The following PACRG variants were observed in gnomAD, a reference collection of about 807,000 sequenced individuals.
The protein encoded by PACRG is parkin coregulated.
A neutral mutation model predicts 29.7 loss-of-function variants in PACRG; 29 were observed. The ratio of observed to expected loss-of-function variants is 0.98; its 90% CI spans 0.73 to 1.33. PACRG has a LOEUF of 1.33. Ranked by LOEUF, PACRG falls within the 40% of genes most tolerant of loss-of-function variation. The pLI is 0.00. For synonymous variants in PACRG, 116 were observed against 118.7 expected (o/e 0.98, Z 0.15); for missense variants, 279 against 316.2 (o/e 0.88, Z 0.89).
intron 2 of PACRG, among the ~76,000 whole-genome samples, chr6:162,908,992 T>C (rs1161479097): frequency 1.3e-5 from 2 of 152,184 alleles, no homozygotes; most frequent in Admixed American, 6.5e-5. Flanking sequence ...CTCGAAATGC[T>C]ACTCTTCTCT....
intron 4 of PACRG, among the ~76,000 whole-genome samples, chr6:163,175,574 G>A (rs1393907053): frequency 6.6e-6 from 1 of 152,014 alleles, no homozygotes; most frequent in African/African-American, 2.4e-5. Context: ...AAAGCTCTAG[G>A]TGCTGGGAAG....
chr6:163,078,374 G>T (rs578100100), intron 3 of PACRG, among the ~76,000 whole-genome samples: 3 of 152,080 alleles, frequency 2.0e-5, no homozygotes, highest in East Asian at 3.9e-4. Flanking sequence ...ATGGTGGCGG[G>T]TGCCTGTAAT....
At chr6:162,753,108 C>T (rs1195288469) in intron 1 of PACRG, among the ~76,000 whole-genome samples, 1 of 145,396 alleles carries the variant, frequency 6.9e-6, no homozygotes, top group African/African-American at 2.7e-5. Flanking sequence ...TATGGGGAGA[C>T]ACTTGAAATT....
chr6:163,284,949 C>A (rs1352669324), intron 4 of PACRG, among the ~76,000 whole-genome samples: 3 of 152,222 alleles, frequency 2.0e-5, no homozygotes, highest in Non-Finnish European at 4.4e-5. Context: ...CCACCCTAAA[C>A]CAAGCCACTA....
At chr6:163,154,038 T>G (rs1416815070) in intron 4 of PACRG, among the ~76,000 whole-genome samples, 6 of 152,076 alleles carry the variant, frequency 3.9e-5, no homozygotes, top group Admixed American at 6.5e-5. Context: ...AGGGCAGCAT[T>G]TAAGAGTCTG....
chr6:162,751,905 CTG>C (rs1213079388), intron 1 of PACRG, among the ~76,000 whole-genome samples: 1 of 152,156 alleles, frequency 6.6e-6, no homozygotes, highest in African/African-American at 2.4e-5. Context: ...TATTAGTCTT[CTG>C]TATCGATCTG....
chr6:162,914,508 G>GTTTTTTTTTTTTTT (rs3028611), intron 2 of PACRG, among the ~76,000 whole-genome samples: 37 of 95,098 alleles, frequency 3.9e-4, no homozygotes, highest in East Asian at 6.1e-4. Context: ...GTACTTTTTT[G>GTTTTTTTTTTTTTT]TTTTTTTTTT....
At chr6:162,750,117 G>C (rs1319117400) in intron 1 of PACRG, among the ~76,000 whole-genome samples, 1 of 152,106 alleles carries the variant, frequency 6.6e-6, no homozygotes, top group Non-Finnish European at 1.5e-5. Flanking sequence ...ATACTGATTT[G>C]TTCCGTGTAC....
chr6:163,058,081 A>G (rs1227569383), intron 2 of PACRG, among the ~76,000 whole-genome samples: 1 of 152,254 alleles, frequency 6.6e-6, no homozygotes, highest in Non-Finnish European at 1.5e-5. Flanking sequence ...ATGGTTTCCA[A>G]ATTTAGGGTA....
intron 4 of PACRG, among the ~76,000 whole-genome samples, chr6:163,161,791 T>C (rs1424454691): frequency 6.6e-6 from 1 of 152,188 alleles, no homozygotes; most frequent in Non-Finnish European, 1.5e-5. Context: ...CGTGGCTCCG[T>C]TGCACTACCC....
At chr6:163,310,318 G>T (rs1785361129) in intron 4 of PACRG, 1 of 152,262 alleles carries the variant, frequency 6.6e-6, no homozygotes, top group South Asian at 2.1e-4. Flanking sequence ...GCGCGTGGAG[G>T]CTCTGGAAGC....
At chr6:163,073,483 A>G (rs948601934) in intron 3 of PACRG, among the ~76,000 whole-genome samples, 4 of 152,230 alleles carry the variant, frequency 2.6e-5, no homozygotes, top group Non-Finnish European at 5.9e-5. Flanking sequence ...AAACTACTAC[A>G]AGAAAACATT....
chr6:162,852,020 G>GAAGGA (rs1554291976), intron 2 of PACRG, among the ~76,000 whole-genome samples: 216 of 136,084 alleles, frequency 1.6e-3, no homozygotes, highest in East Asian at 8.7e-3. Flanking sequence ...AGGAAGGAAG[G>GAAGGA]AAGGAAGGAA....
chr6:162,875,896 A>G (rs796564310), intron 2 of PACRG, among the ~76,000 whole-genome samples: 3 of 152,172 alleles, frequency 2.0e-5, no homozygotes, highest in African/African-American at 4.8e-5. Context: ...TTTTCTTTCT[A>G]TTTCCCTGGA....
intron 4 of PACRG, among the ~76,000 whole-genome samples, chr6:163,114,873 A>G (rs1223279553): frequency 6.6e-6 from 1 of 151,984 alleles, no homozygotes; most frequent in Non-Finnish European, 1.5e-5. Flanking sequence ...AAAAAAAAAA[A>G]AGGTAATAAT....
At position 163,274,861 on chromosome 6, in the gene PACRG, C is replaced by CTTTTT. The variant is rs58333018; in HGVS notation, c.614-39954_614-39950dup. ...TTCTTTTTCTTTTCTTTCTTTCTTT[C>CTTTTT]TTTTTTTTTTTTTTTTGAGATAGAG... On this transcript the variant is annotated intron_variant, in intron 4 of 4. Coordinates refer to ENST00000366888, the MANE Select transcript of PACRG (RefSeq NM_001080379.2). Among the ~76,000 whole-genome samples the CTTTTT allele has an allele frequency of 2.5e-3, 313 of 126,304 alleles. 8 individuals carry two copies. The highest frequency in any genetic ancestry group is 8.1e-3 in the African/African-American group (271 of 33,260). The allele number at this position is 126,304 out of a possible 152,430, so 82.9% of individuals were successfully genotyped here.
chr6:163,299,602 C>T (rs1228723117), intron 4 of PACRG, among the ~76,000 whole-genome samples: 2 of 152,172 alleles, frequency 1.3e-5, no homozygotes, highest in African/African-American at 4.8e-5. Context: ...TAAACATAGG[C>T]CGGGCACGGT....
chr6:163,194,856 C>T (rs572351613), intron 4 of PACRG, among the ~76,000 whole-genome samples: 201 of 152,086 alleles, frequency 1.3e-3, no homozygotes, highest in African/African-American at 4.7e-3. Context: ...TCCCTCTGCT[C>T]TTCTCCCTTC....
chr6:162,971,479 G>T (rs543890079), intron 2 of PACRG, among the ~76,000 whole-genome samples: 1 of 152,298 alleles, frequency 6.6e-6, no homozygotes. Flanking sequence ...ACCAGTCAGT[G>T]TCTGAACACA....
Sources: gnomAD v4.1 joint callset for allele counts (sites outside exome capture counted in the v4.1 genomes callset) on GRCh38, gnomAD v4.1.1 for gene constraint, MANE v1.5 for transcripts, NCBI Gene and HGNC (gene_info 2026-07-23, HGNC 2026-07-21) for gene names.